MSH3: variants seen among roughly 807,000 people sequenced by gnomAD.
MSH3 encodes the protein mutS homolog 3, also known as DNA mismatch repair protein Msh3.
MSH3 carries 106 observed loss-of-function variants against 123.3 expected under a neutral mutation model. That is an observed-to-expected ratio of 0.86 (90% CI 0.73 to 1.01). The LOEUF is 1.01. Ranked by LOEUF, MSH3 falls within the 50% of genes least tolerant of loss-of-function variation. The pLI is 0.00. For synonymous variants in MSH3, 515 were observed against 481.4 expected (o/e 1.07, Z -0.91); for missense variants, 1,459 against 1,347.6 (o/e 1.08, Z -1.29).
chr5:80,762,913 C>G (rs1366981367), intron 13 of MSH3, among the ~76,000 whole-genome samples: 2 of 151,784 alleles, frequency 1.3e-5, no homozygotes, highest in African/African-American at 4.8e-5. Context: ...ATGGCGTGAT[C>G]TCGGCTCACT....
chr5:80,808,858 C>CATATATATATATATATATATATAT (rs747818551), intron 19 of MSH3, among the ~76,000 whole-genome samples: 66 of 65,752 alleles, frequency 1.0e-3, no homozygotes, highest in South Asian at 1.5e-3. Context: ...ATATCTTCTT[C>CATATATATATATATATATATATAT]ATATATATAT....
At chr5:80,690,218 A>C (rs1750197067) in intron 8 of MSH3, among the ~76,000 whole-genome samples, 1 of 152,136 alleles carries the variant, frequency 6.6e-6, no homozygotes, top group Non-Finnish European at 1.5e-5. Flanking sequence ...TGCATTTAGC[A>C]TCTTCCAGTC....
intron 17 of MSH3, among the ~76,000 whole-genome samples, chr5:80,783,146 A>G (rs1468464993): frequency 1.3e-5 from 2 of 152,238 alleles, no homozygotes; most frequent in Non-Finnish European, 2.9e-5. Flanking sequence ...AAACTTCTCT[A>G]GTCATCATAA....
At chr5:80,800,477 A>G (rs1451067294) in intron 19 of MSH3, among the ~76,000 whole-genome samples, 3 of 152,196 alleles carry the variant, frequency 2.0e-5, no homozygotes, top group African/African-American at 7.2e-5. Flanking sequence ...TGTGTCTTTT[A>G]TATCTGGGAA....
At chr5:80,714,775 T>C (rs1302902710) in intron 8 of MSH3, among the ~76,000 whole-genome samples, 2 of 152,208 alleles carry the variant, frequency 1.3e-5, no homozygotes, top group Non-Finnish European at 2.9e-5. Context: ...AAAAACATTG[T>C]GGAGCTCATG....
chr5:80,666,206 A>C (rs1238778340), intron 3 of MSH3, among the ~76,000 whole-genome samples: 6 of 152,226 alleles, frequency 3.9e-5, no homozygotes, highest in Non-Finnish European at 8.8e-5. Flanking sequence ...ACTAAAGGAA[A>C]AGCAGTCATT....
At chr5:80,662,355 A>G (rs1749454684) in intron 2 of MSH3, among the ~76,000 whole-genome samples, 1 of 152,134 alleles carries the variant, frequency 6.6e-6, no homozygotes, top group African/African-American at 2.4e-5. Flanking sequence ...ACATATCCCC[A>G]TCATTAAATG....
At chr5:80,841,955 G>A (rs762512590) in intron 20 of MSH3, among the ~76,000 whole-genome samples, 8 of 152,142 alleles carry the variant, frequency 5.3e-5, no homozygotes, top group East Asian at 3.8e-4. Context: ...ATTGCTTTTG[G>A]TGTTTTAGTC....
intron 20 of MSH3, among the ~76,000 whole-genome samples, chr5:80,849,525 C>CG (rs1745792580): frequency 6.6e-6 from 1 of 152,146 alleles, no homozygotes; most frequent in South Asian, 2.1e-4. Context: ...AGCGGAGGTT[C>CG]CCAAACCTCA....
chr5:80,827,901 CTT>C (rs1239749444), intron 20 of MSH3, among the ~76,000 whole-genome samples: 1 of 152,076 alleles, frequency 6.6e-6, no homozygotes, highest in Non-Finnish European at 1.5e-5. Flanking sequence ...TTAAAAAAGA[CTT>C]TAATTTTTCA....
intron 8 of MSH3, among the ~76,000 whole-genome samples, chr5:80,694,016 A>T (rs559381709): frequency 1.3e-5 from 2 of 152,308 alleles, no homozygotes; most frequent in Middle Eastern, 3.4e-3. Flanking sequence ...ATATGGAGAG[A>T]GTAGCAAATG....
chr5:80,697,419 TAAA>T (rs1431563977), intron 8 of MSH3, among the ~76,000 whole-genome samples: 2 of 152,246 alleles, frequency 1.3e-5, no homozygotes, highest in African/African-American at 4.8e-5. Flanking sequence ...TAAGGTATAT[TAAA>T]AACATATAAT....
In MSH3 at chr5:80,665,367, T is replaced by C. The variant is rs901711895; in HGVS notation, c.579+4T>C. ...GAAACGTCAAATTAATCAAAAGGTA[T>C]GTAACTGCTATAGATGAGTATCCAG... On this transcript the variant is annotated splice_donor_region_variant and intron_variant, in intron 3 of 23. Transcript: ENST00000265081. 38 of 1,604,764 alleles carry C rather than the reference T, an allele frequency of 2.4e-5. No individual in the cohort carries two copies. Among genetic ancestry groups the C allele is most frequent in the Non-Finnish European group, 3.2e-5 (38 of 1,173,908 alleles).
In MSH3 at chr5:80,656,215, A is replaced by G. The variant is rs380691; in HGVS notation, c.238-196A>G. Among the ~76,000 whole-genome samples, 44,169 of 152,048 alleles carry G rather than the reference A, an allele frequency of 0.29. 7,303 individuals carry two copies. The highest frequency in any genetic ancestry group is 0.6 in the East Asian group (3,091 of 5,156). Reference sequence around the variant, plus strand: ...GCTTGAGTTGCTGAGGCTCCTGACTATCAGACTCTACCTTGTCTTTTATGG... The same window carrying G: ...GCTTGAGTTGCTGAGGCTCCTGACTGTCAGACTCTACCTTGTCTTTTATGG... On this transcript the variant is annotated intron_variant, in intron 1 of 23. Transcript: ENST00000265081.
intron 8 of MSH3, among the ~76,000 whole-genome samples, chr5:80,719,991 C>G (rs1007121427): frequency 2.6e-5 from 4 of 152,046 alleles, no homozygotes; most frequent in African/African-American, 9.7e-5. Flanking sequence ...TAACAAGTCC[C>G]CAGGTGGTGG....
chr5:80,755,203 C>G (rs563365639), intron 12 of MSH3, among the ~76,000 whole-genome samples: 1 of 150,680 alleles, frequency 6.6e-6, no homozygotes, highest in African/African-American at 2.5e-5. Flanking sequence ...CTGCTAAGAA[C>G]AAAATGAACC....
chr5:80,708,728 T>C (rs1750774626), intron 8 of MSH3, among the ~76,000 whole-genome samples: 1 of 152,136 alleles, frequency 6.6e-6, no homozygotes, highest in African/African-American at 2.4e-5. Flanking sequence ...TTAGATATTT[T>C]AGACTTTGAC....
intron 20 of MSH3, among the ~76,000 whole-genome samples, chr5:80,814,511 G>A (rs1275786002): frequency 1.3e-5 from 2 of 152,112 alleles, no homozygotes; most frequent in African/African-American, 4.8e-5. Context: ...CCCCAAGTGA[G>A]CCGCCCGCCT....
intron 20 of MSH3, among the ~76,000 whole-genome samples, chr5:80,814,854 C>T (rs1011658575): frequency 1.6e-4 from 24 of 152,270 alleles, no homozygotes; most frequent in Admixed American, 7.9e-4. Flanking sequence ...AATTTTATGC[C>T]GTGTTAGGAA....
Sources: gnomAD v4.1 joint callset for allele counts (sites outside exome capture counted in the v4.1 genomes callset) on GRCh38, gnomAD v4.1.1 for gene constraint, MANE v1.5 for transcripts, NCBI Gene and HGNC (gene_info 2026-07-23, HGNC 2026-07-21) for gene names.